SLC22A3: variants seen among roughly 807,000 people sequenced by gnomAD.
The protein encoded by SLC22A3 is EMT organic cation transporter 3.
Under a neutral mutation model 59.1 loss-of-function variants are expected in SLC22A3, and 51 were observed. The observed-to-expected ratio is 0.86, with a 90% CI of 0.69 to 1.09. The LOEUF (loss-of-function observed/expected upper bound fraction) is 1.09, where lower values mean the gene tolerates loss of function less well. Ranked by LOEUF, SLC22A3 falls within the 50% of genes least tolerant of loss-of-function variation. The pLI is 0.00. For missense variants in SLC22A3, 711 were observed against 726.3 expected (o/e 0.98, Z 0.24); for synonymous variants, 325 against 292.0 (o/e 1.11, Z -1.15).
chr6:160,436,680 C>T (rs1788344421), intron 5 of SLC22A3, 100 bp from the exon 6 acceptor site: 2 of 762,032 alleles, frequency 2.6e-6, no homozygotes, highest in South Asian at 1.6e-5. Flanking sequence ...CCCCTAGTCA[C>T]TTCAGTAAGA....
At chr6:160,394,393 T>C (rs1786387419) in intron 1 of SLC22A3, among the ~76,000 whole-genome samples, 1 of 152,200 alleles carries the variant, frequency 6.6e-6, no homozygotes, top group Non-Finnish European at 1.5e-5. Context: ...GAAAGATACA[T>C]CGCAGGCCCA....
chr6:160,354,133 G>C (rs1279651354), intron 1 of SLC22A3, among the ~76,000 whole-genome samples: 1 of 152,168 alleles, frequency 6.6e-6, no homozygotes, highest in East Asian at 1.9e-4. Flanking sequence ...ATGTTGCAGA[G>C]ACATCTGTAC....
intron 5 of SLC22A3, chr6:160,426,328 G>A (rs182389329): frequency 1.0e-6 from 1 of 985,390 alleles, no homozygotes; most frequent in East Asian, 1.1e-4. Flanking sequence ...GGTTCTTGTG[G>A]TTTTGGTTCT....
chr6:160,364,616 G>A (rs1204800269), intron 1 of SLC22A3, among the ~76,000 whole-genome samples: 3 of 152,182 alleles, frequency 2.0e-5, no homozygotes, highest in African/African-American at 7.2e-5. Context: ...GTTAGTAAAA[G>A]TACCTATTGA....
intron 9 of SLC22A3, among the ~76,000 whole-genome samples, chr6:160,445,993 A>G (rs76429776): frequency 0.016 from 2,472 of 152,298 alleles, 69 homozygotes; most frequent in Middle Eastern, 0.1. Flanking sequence ...GAGTGGCCCA[A>G]GCCCCCCAGA....
At chr6:160,379,194 G>A (rs1785706692) in intron 1 of SLC22A3, among the ~76,000 whole-genome samples, 1 of 152,214 alleles carries the variant, frequency 6.6e-6, no homozygotes, top group South Asian at 2.1e-4. Flanking sequence ...TTCCTTGAAA[G>A]GGATAGTGAA....
At chr6:160,350,258 G>GGT (rs1784616240) in intron 1 of SLC22A3, among the ~76,000 whole-genome samples, 1 of 151,800 alleles carries the variant, frequency 6.6e-6, no homozygotes, top group South Asian at 2.1e-4. Context: ...GTGTGTTCAG[G>GGT]GTGTTTCTAT....
intron 2 of SLC22A3, among the ~76,000 whole-genome samples, 183 bp from the exon 3 acceptor site, chr6:160,406,858 T>G (rs1218246149): frequency 2.0e-5 from 3 of 152,212 alleles, no homozygotes; most frequent in Non-Finnish European, 4.4e-5. Context: ...ATTCTGTACT[T>G]TAAATTTTGT....
intron 9 of SLC22A3, among the ~76,000 whole-genome samples, chr6:160,445,188 C>T (rs1788694626): frequency 6.6e-6 from 1 of 152,192 alleles, no homozygotes; most frequent in African/African-American, 2.4e-5. Context: ...GTCACAGGGA[C>T]CCTTGACCCC....
At chr6:160,428,270 G>T (rs1788036096) in intron 5 of SLC22A3, among the ~76,000 whole-genome samples, 1 of 152,196 alleles carries the variant, frequency 6.6e-6, no homozygotes, top group South Asian at 2.1e-4. Context: ...TGGGCAGCAT[G>T]CCCAGTCATC....
intron 7 of SLC22A3, 70 bp downstream of exon 7, chr6:160,437,281 G>A (rs1788379771): frequency 6.9e-7 from 1 of 1,448,894 alleles, no homozygotes; most frequent in Non-Finnish European, 9.7e-7. Flanking sequence ...TCAAGTATAG[G>A]GAGCCACTTG....
intron 1 of SLC22A3, among the ~76,000 whole-genome samples, chr6:160,358,633 A>G (rs1784917900): frequency 6.6e-6 from 1 of 152,240 alleles, no homozygotes; most frequent in African/African-American, 2.4e-5. Flanking sequence ...TATAGAGTGA[A>G]CAATCCCCCC....
chr6:160,413,845 T>C (rs1365185494), intron 5 of SLC22A3, among the ~76,000 whole-genome samples: 1 of 152,228 alleles, frequency 6.6e-6, no homozygotes, highest in Non-Finnish European at 1.5e-5. Context: ...TGTCCTACAA[T>C]GTTTCACCCT....
intron 5 of SLC22A3, among the ~76,000 whole-genome samples, chr6:160,425,206 G>T (rs192426584): frequency 2.0e-5 from 3 of 152,222 alleles, no homozygotes; most frequent in Admixed American, 6.5e-5. Flanking sequence ...TTAAATTATT[G>T]CAGTGAACAT....
chr6:160,386,466 T>A (rs950332427), intron 1 of SLC22A3, among the ~76,000 whole-genome samples: 2 of 152,208 alleles, frequency 1.3e-5, no homozygotes, highest in African/African-American at 4.8e-5. Flanking sequence ...TCTGAGAAAA[T>A]CTTATAAAGT....
At position 160,450,971 on chromosome 6, in the gene SLC22A3, A is replaced by G. The variant is rs768689655; in HGVS notation, c.1611-25A>G. 18 of 1,572,222 alleles carry G rather than the reference A, an allele frequency of 1.1e-5. 1 individual carries two copies. The highest frequency in any genetic ancestry group is 1.6e-5 in the Non-Finnish European group (18 of 1,154,650). ...CTAACTAGTTACATAATCTTTCCTA[A>G]AGACTTTCTCCTTTGTTTTTTCAGT... On this transcript the variant is annotated intron_variant, in intron 10 of 10. Transcript: ENST00000275300.
intron 5 of SLC22A3, among the ~76,000 whole-genome samples, chr6:160,421,640 C>A (rs1212804208): frequency 2.6e-5 from 4 of 152,218 alleles, no homozygotes; most frequent in African/African-American, 9.6e-5. Context: ...CAAAACTCAT[C>A]AGCCACACGG....
chr6:160,354,670 G>A (rs1363650780), intron 1 of SLC22A3, among the ~76,000 whole-genome samples: 4 of 152,174 alleles, frequency 2.6e-5, no homozygotes, highest in South Asian at 4.1e-4. Flanking sequence ...AAAATTGGCC[G>A]AGTGTGGTGA....
At chr6:160,356,588 C>T (rs1444579864) in intron 1 of SLC22A3, among the ~76,000 whole-genome samples, 1 of 152,224 alleles carries the variant, frequency 6.6e-6, no homozygotes, top group African/African-American at 2.4e-5. Flanking sequence ...GGCTGAGCAG[C>T]TCCCAGGGTG....
Sources: gnomAD v4.1 joint callset for allele counts (sites outside exome capture counted in the v4.1 genomes callset) on GRCh38, gnomAD v4.1.1 for gene constraint, MANE v1.5 for transcripts, NCBI Gene and HGNC (gene_info 2026-07-23, HGNC 2026-07-21) for gene names.